Variants in BLNK observed in about 807,000 individuals in gnomAD.
BLNK encodes B-cell linker protein.
BLNK carries 29 observed loss-of-function variants against 73.5 expected under a neutral mutation model. The ratio of observed to expected loss-of-function variants is 0.39; its 90% CI spans 0.29 to 0.54. The LOEUF is 0.54. Among genes scored for constraint, BLNK ranks in the 20% least tolerant of loss-of-function variants. The probability of loss-of-function intolerance (pLI) is 0.61; values close to 1 mark genes in which losing one functional copy is unlikely to be tolerated. For synonymous variants in BLNK, 176 were observed against 200.8 expected (o/e 0.88, Z 1.04); for missense variants, 460 against 562.8 (o/e 0.82, Z 1.85).
intron 3 of BLNK, among the ~76,000 whole-genome samples, chr10:96,237,458 G>C (rs946223159): frequency 7.9e-5 from 12 of 152,110 alleles, no homozygotes; most frequent in Admixed American, 6.5e-4. Context: ...GACCTCCCAG[G>C]GATGCCACCC....
Position 96,242,161 on chromosome 10 carries a change from G to A in BLNK, c.163+574C>T, listed in dbSNP as rs148541577. ...TTGAATCATGAGTGCAGTTTCCCCC[G>A]TACCGTTCTGGTGGCAGTGAATAAG... On this transcript the variant is annotated intron_variant, in intron 3 of 16. Coordinates refer to ENST00000224337, the MANE Select transcript of BLNK (RefSeq NM_013314.4). 3.5e-4 allele frequency among the ~76,000 whole-genome samples: 54 copies of A among 152,210 alleles called. No homozygotes were observed. The East Asian group carries it at 5.6e-3, about 16-fold the overall frequency.
intron 1 of BLNK, among the ~76,000 whole-genome samples, chr10:96,261,774 C>T (rs4919000): frequency 0.71 from 108,754 of 152,106 alleles, 43,386 homozygotes; most frequent in Non-Finnish European, 0.9. Flanking sequence ...ATGTGATTCT[C>T]ATAGTTATTT....
Position 96,189,332 on chromosome 10 carries a change from A to G in BLNK, c.*2641T>C. 1.9e-6 allele frequency: 1 copy of G among 534,746 alleles called. No individual in the cohort carries two copies. Among genetic ancestry groups the G allele is most frequent in the Admixed American group, 2.2e-5 (1 of 45,970 alleles). The allele number at this position is 534,746 out of a possible 1,614,324, so 33.1% of individuals were successfully genotyped here. A position where few individuals can be genotyped will look rare whatever the true frequency, so the allele number is the denominator to read the frequency against. ...TTAGAGAAATGAAATAAGATGGAAA[A>G]ATGTTAACAAATTGTTTAAACTATT... On this transcript the variant is annotated 3_prime_UTR_variant, in exon 17 of 17. Transcript: ENST00000224337.
chr10:96,256,477 T>C (rs1843516607), intron 1 of BLNK, among the ~76,000 whole-genome samples: 1 of 152,234 alleles, frequency 6.6e-6, no homozygotes, highest in South Asian at 2.1e-4. Context: ...AGGTGTTTAA[T>C]GTAATTGACT....
At chr10:96,242,862 G>C in intron 2 of BLNK, 78 bp from the exon 3 acceptor site, 1 of 1,181,510 alleles carries the variant, frequency 8.5e-7, no homozygotes, top group Non-Finnish European at 1.3e-6. Flanking sequence ...AGCTGATATA[G>C]ACAGAATAGA....
At chr10:96,202,251 A>T (rs1481361551) in intron 13 of BLNK, among the ~76,000 whole-genome samples, 1 of 152,178 alleles carries the variant, frequency 6.6e-6, no homozygotes, top group Non-Finnish European at 1.5e-5. Flanking sequence ...GGGGGGTAAC[A>T]TGATCTGCCT....
At chr10:96,237,203 T>C (rs1842725183) in intron 3 of BLNK, among the ~76,000 whole-genome samples, 2 of 152,214 alleles carry the variant, frequency 1.3e-5, no homozygotes, top group African/African-American at 4.8e-5. Flanking sequence ...AGGTAAATGC[T>C]GGCTCCACTA....
Position 96,189,573 on chromosome 10 carries a change from C to T in BLNK, c.*2400G>A. On this transcript the variant is annotated 3_prime_UTR_variant, in exon 17 of 17. Transcript: ENST00000224337. ...TTCCTGTTTTTTGAAGGATTCTTGT[C>T]CTTTTAATCTTGGTGTTGATGATGG... The T allele has an allele frequency of 1.5e-6, 1 of 677,360 alleles. No homozygotes were observed. Among genetic ancestry groups the T allele is most frequent in the Admixed American group, 1.8e-5 (1 of 55,250 alleles). 42.0% of individuals were successfully genotyped at this position (677,360 alleles called of 1,614,324 possible).
intron 1 of BLNK, among the ~76,000 whole-genome samples, chr10:96,259,546 T>C (rs1467586529): frequency 6.6e-6 from 1 of 151,914 alleles, no homozygotes; most frequent in African/African-American, 2.4e-5. Flanking sequence ...CCCCTGAGGG[T>C]CCTGGAGTGG....
intron 5 of BLNK, among the ~76,000 whole-genome samples, chr10:96,224,923 C>T (rs1554902123): frequency 6.6e-6 from 1 of 152,098 alleles, no homozygotes; most frequent in African/African-American, 2.4e-5. Context: ...GTTTTGAACT[C>T]CTGACCCCAA....
intron 3 of BLNK, among the ~76,000 whole-genome samples, chr10:96,241,700 C>G (rs1451468249): frequency 6.6e-6 from 1 of 151,882 alleles, no homozygotes; most frequent in African/African-American, 2.4e-5. Context: ...TGTGCTTCCC[C>G]TATCACTGAA....
At chr10:96,216,398 G>A (rs1182112880) in intron 7 of BLNK, 3 of 532,358 alleles carry the variant, frequency 5.6e-6, no homozygotes, top group Non-Finnish European at 1.0e-5. Flanking sequence ...AACTACCCAG[G>A]TGCTTTCATA....
chr10:96,203,982 G>C, intron 13 of BLNK, 75 bp downstream of exon 13: 1 of 1,309,502 alleles, frequency 7.6e-7, no homozygotes, highest in Non-Finnish European at 1.1e-6. Context: ...TGCTGTGTTA[G>C]AACCCAGGCC....
chr10:96,204,658 T>G, intron 11 of BLNK, 42 bp from the exon 12 acceptor site: 1 of 1,594,408 alleles, frequency 6.3e-7, no homozygotes, highest in Non-Finnish European at 8.6e-7. Flanking sequence ...GAGTGAAATG[T>G]CTGTCCTCAT....
intron 1 of BLNK, among the ~76,000 whole-genome samples, chr10:96,260,917 C>T (rs185603925): frequency 6.6e-4 from 100 of 151,814 alleles, no homozygotes; most frequent in Admixed American, 1.3e-3. Context: ...TATCTCGGCT[C>T]ACTAAAGCCT....
intron 9 of BLNK, 107 bp from the exon 10 acceptor site, chr10:96,208,006 C>G: frequency 8.2e-7 from 1 of 1,212,670 alleles, no homozygotes. Context: ...GAAAGCGATA[C>G]AAGTGTGTAG....
intron 3 of BLNK, among the ~76,000 whole-genome samples, chr10:96,232,769 A>G (rs1842551042): frequency 6.6e-6 from 1 of 151,908 alleles, no homozygotes; most frequent in South Asian, 2.1e-4. Flanking sequence ...TCTTCCCAAT[A>G]TGATTACCTG....
intron 8 of BLNK, among the ~76,000 whole-genome samples, chr10:96,213,165 C>A (rs1564822745): frequency 6.6e-6 from 1 of 152,200 alleles, no homozygotes; most frequent in Non-Finnish European, 1.5e-5. Context: ...CAACTGACCC[C>A]TCCACAGTCT....
At chr10:96,270,328 G>A (rs782724280) in intron 1 of BLNK, among the ~76,000 whole-genome samples, 1 of 152,100 alleles carries the variant, frequency 6.6e-6, no homozygotes, top group African/African-American at 2.4e-5. Context: ...TCAATTCTCT[G>A]GCTCATTGTT....
Sources: gnomAD v4.1 joint callset for allele counts (sites outside exome capture counted in the v4.1 genomes callset) on GRCh38, gnomAD v4.1.1 for gene constraint, MANE v1.5 for transcripts, NCBI Gene and HGNC (gene_info 2026-07-23, HGNC 2026-07-21) for gene names.